The following NNMT variants were observed in gnomAD, a reference collection of about 807,000 sequenced individuals.
The protein encoded by NNMT is nicotinamide N-methyltransferase.
NNMT carries 10 observed loss-of-function variants against 11.7 expected under a neutral mutation model. That is an observed-to-expected ratio of 0.85 (90% CI 0.53 to 1.45). The LOEUF is 1.45. Among genes scored for constraint, NNMT ranks in the 40% most tolerant of loss-of-function variants. The pLI is 0.00. For synonymous variants in NNMT, 143 were observed against 133.8 expected, an observed-to-expected ratio of 1.07 and a Z score of -0.48; for missense variants, 381 against 319.4, an observed-to-expected ratio of 1.19 and a Z score of -1.47.
At chr11:114,265,675 C>T (rs17116778) in intron 2 of NNMT, among the ~76,000 whole-genome samples, 6,876 of 152,174 alleles carry the variant, frequency 0.045, 351 homozygotes, top group African/African-American at 0.11. Context: ...TGGTTTTAAG[C>T]TTTGAGAGTC....
At chr11:114,274,023 C>T (rs1945193922) in intron 2 of NNMT, among the ~76,000 whole-genome samples, 1 of 152,102 alleles carries the variant, frequency 6.6e-6, no homozygotes, top group Non-Finnish European at 1.5e-5. Flanking sequence ...TAGTTGCTGC[C>T]ACACCCCTCA....
intron 2 of NNMT, among the ~76,000 whole-genome samples, chr11:114,277,586 G>C (rs78328660): frequency 0.038 from 5,850 of 152,260 alleles, 140 homozygotes; most frequent in Middle Eastern, 0.071. Context: ...GAGGGGTGAA[G>C]AGCAGGAATT....
intron 2 of NNMT, among the ~76,000 whole-genome samples, chr11:114,268,655 G>A (rs1451739466): frequency 6.6e-6 from 1 of 151,706 alleles, no homozygotes; most frequent in Non-Finnish European, 1.5e-5. Flanking sequence ...TGTAGTCCCA[G>A]CTACTCGGGA....
At chr11:114,283,612 C>T (rs1308204052) in intron 2 of NNMT, among the ~76,000 whole-genome samples, 2 of 152,196 alleles carry the variant, frequency 1.3e-5, no homozygotes, top group Admixed American at 1.3e-4. Context: ...TGAAGACTGA[C>T]AATCACAGCT....
Position 114,312,288 on chromosome 11 carries a change from C to G in NNMT, c.606C>G (p.Ser202Arg). 12 of 1,614,252 alleles carry G rather than the reference C, an allele frequency of 7.4e-6. No individual in the cohort carries two copies. Among genetic ancestry groups the G allele is most frequent in the Non-Finnish European group, 1.0e-5 (12 of 1,180,050 alleles). Residue 202 changes from serine (S) to arginine (R), a missense_variant, in exon 3 of 3, where the codon AGC becomes AGG. Transcript: ENST00000299964. ...FLVIMDALKS[S>R]YYMIGEQKFS... Reference sequence around the variant, plus strand: ...TGATCATGGATGCGCTCAAGAGCAGCTACTACATGATTGGTGAGCAGAAGT... The same window carrying G: ...TGATCATGGATGCGCTCAAGAGCAGGTACTACATGATTGGTGAGCAGAAGT...
intron 2 of NNMT, among the ~76,000 whole-genome samples, chr11:114,279,555 A>C (rs1945243150): frequency 6.6e-6 from 1 of 152,186 alleles, no homozygotes. Context: ...CTAGAGGCTG[A>C]GTGTTAACCC....
chr11:114,307,337 G>A (rs116263107), intron 2 of NNMT, among the ~76,000 whole-genome samples: 96 of 152,216 alleles, frequency 6.3e-4, no homozygotes, highest in African/African-American at 2.1e-3. Flanking sequence ...GCCAGAACCT[G>A]GAAGTCAATT....
At chr11:114,261,128 A>C (rs564789852) in intron 1 of NNMT, among the ~76,000 whole-genome samples, 1 of 152,204 alleles carries the variant, frequency 6.6e-6, no homozygotes, top group African/African-American at 2.4e-5. Flanking sequence ...TTTCCAGAAC[A>C]GGAGCCCACG....
At chr11:114,263,648 G>C (rs865857589) in intron 2 of NNMT, among the ~76,000 whole-genome samples, 1 of 152,178 alleles carries the variant, frequency 6.6e-6, no homozygotes, top group South Asian at 2.1e-4. Context: ...ACACCTGCTC[G>C]CTCCCTCCCC....
chr11:114,304,135 T>C (rs535180014), intron 2 of NNMT, among the ~76,000 whole-genome samples: 1 of 152,276 alleles, frequency 6.6e-6, no homozygotes, highest in South Asian at 2.1e-4. Flanking sequence ...AGTTATTTAG[T>C]AAATAAGGAA....
At chr11:114,302,544 T>A (rs917886500) in intron 2 of NNMT, among the ~76,000 whole-genome samples, 2 of 152,168 alleles carry the variant, frequency 1.3e-5, no homozygotes, top group African/African-American at 4.8e-5. Flanking sequence ...TTTGCTTTAG[T>A]TAGTAGTGAT....
intron 2 of NNMT, among the ~76,000 whole-genome samples, chr11:114,284,373 T>C (rs1476488852): frequency 1.3e-5 from 2 of 152,262 alleles, no homozygotes; most frequent in Non-Finnish European, 2.9e-5. Context: ...CTATGGAAAC[T>C]GGTCCTGGCT....
chr11:114,306,060 G>A (rs540021230), intron 2 of NNMT, among the ~76,000 whole-genome samples: 298 of 152,248 alleles, frequency 2.0e-3, no homozygotes, highest in African/African-American at 6.9e-3. Context: ...GTGAGATGGT[G>A]TCTCATTGTG....
chr11:114,279,965 T>G (rs1945247276), intron 2 of NNMT, among the ~76,000 whole-genome samples: 1 of 152,092 alleles, frequency 6.6e-6, no homozygotes, highest in Admixed American at 6.5e-5. Flanking sequence ...GGTGGTGGAC[T>G]AGGGCGTCGA....
intron 1 of NNMT, among the ~76,000 whole-genome samples, chr11:114,258,738 CT>C: frequency 6.6e-6 from 1 of 152,322 alleles, no homozygotes; most frequent in Admixed American, 6.5e-5. Context: ...CCAAGACACC[CT>C]GAGTGACAGA....
intron 1 of NNMT, 118 bp downstream of exon 1, chr11:114,296,828 T>G: frequency 1.0e-6 from 1 of 963,188 alleles, no homozygotes; most frequent in East Asian, 2.4e-5. Flanking sequence ...CATCACCCAT[T>G]TATTTAACTA....
intron 2 of NNMT, among the ~76,000 whole-genome samples, chr11:114,278,548 C>G (rs1274199941): frequency 2.0e-5 from 3 of 152,016 alleles, no homozygotes; most frequent in Admixed American, 2.0e-4. Context: ...CAGGCCAGTG[C>G]TCCAAGCAGG....
At chr11:114,292,861 C>G (rs1432977378), upstream of NNMT, among the ~76,000 whole-genome samples, 1 of 152,110 alleles carries the variant, frequency 6.6e-6, no homozygotes, top group African/African-American at 2.4e-5. Flanking sequence ...ACCACTATGT[C>G]TAAAATTCCC....
chr11:114,267,999 A>G (rs1945134776), intron 2 of NNMT, among the ~76,000 whole-genome samples: 1 of 152,170 alleles, frequency 6.6e-6, no homozygotes, highest in Non-Finnish European at 1.5e-5. Context: ...CATTTTCCCC[A>G]TGCTGTTAAC....
Sources: gnomAD v4.1 joint callset for allele counts (sites outside exome capture counted in the v4.1 genomes callset) on GRCh38, gnomAD v4.1.1 for gene constraint, MANE v1.5 for transcripts, NCBI Gene and HGNC (gene_info 2026-07-23, HGNC 2026-07-21) for gene names.